Variants in MAP4K3 observed in about 807,000 individuals in gnomAD.
MAP4K3 encodes MAPK/ERK kinase kinase kinase 3.
Under a neutral mutation model 143.5 loss-of-function variants are expected in MAP4K3, and 94 were observed. The ratio of observed to expected loss-of-function variants is 0.65; its 90% CI spans 0.55 to 0.78. The LOEUF (loss-of-function observed/expected upper bound fraction) is 0.78. MAP4K3 is among the 30% of genes least tolerant of loss of function. The probability of loss-of-function intolerance (pLI) is 0.00; values close to 1 mark genes in which losing one functional copy is unlikely to be tolerated. For synonymous variants in MAP4K3, 416 were observed against 347.2 expected, an observed-to-expected ratio of 1.20 and a Z score of -2.20; for missense variants, 1,077 against 1,068.1, an observed-to-expected ratio of 1.01 and a Z score of -0.12.
At chr2:39,428,490 T>G (rs1470530133) in intron 1 of MAP4K3, among the ~76,000 whole-genome samples, 1 of 151,602 alleles carries the variant, frequency 6.6e-6, no homozygotes, top group Non-Finnish European at 1.5e-5. Flanking sequence ...CTGGCCAACA[T>G]GGCGAAACTC....
chr2:39,275,377 T>C (rs116463505), intron 24 of MAP4K3, among the ~76,000 whole-genome samples: 42 of 152,128 alleles, frequency 2.8e-4, no homozygotes, highest in Non-Finnish European at 4.1e-4. Flanking sequence ...TCCCAGCTAC[T>C]GAGAACGCTG....
In MAP4K3 at chr2:39,436,959, C is replaced by T. The variant is rs1665508367; in HGVS notation, c.29G>A (p.Arg10Gln). The change falls in exon 1 of 34, where the codon CGG becomes CAG. Residue 10 changes from arginine to glutamine, a missense_variant. Arg to Gln is a conservative substitution (Grantham distance 43). Coordinates refer to ENST00000263881, the MANE Select transcript of MAP4K3 (RefSeq NM_003618.4). ...CAGCTCGAAGTCCTCCTGCGGGTTC[C>T]GGCGGGACAAATCGAAGCCGGGGTT... The part of the protein sequence containing the change: MNPGFDLSR[R>Q]NPQEDFELIQ... The T allele has an allele frequency of 6.2e-7, 1 of 1,612,518 alleles. No homozygotes were observed. The highest frequency in any genetic ancestry group is 8.5e-7 in the Non-Finnish European group (1 of 1,179,348).
At chr2:39,426,507 T>G (rs1346674436) in intron 1 of MAP4K3, among the ~76,000 whole-genome samples, 4 of 151,942 alleles carry the variant, frequency 2.6e-5, no homozygotes, top group Admixed American at 2.6e-4. Context: ...ATTTTGAGAA[T>G]ACACATCAAA....
chr2:39,373,189 CT>C (rs1325053789), intron 2 of MAP4K3, among the ~76,000 whole-genome samples: 1 of 152,134 alleles, frequency 6.6e-6, no homozygotes, highest in Non-Finnish European at 1.5e-5. Context: ...TGAAAAGGTG[CT>C]CAACATCACT....
At chr2:39,263,657 T>A (rs1252578892) in intron 28 of MAP4K3, among the ~76,000 whole-genome samples, 1 of 151,998 alleles carries the variant, frequency 6.6e-6, no homozygotes, top group Non-Finnish European at 1.5e-5. Context: ...ACATTATAGC[T>A]CAGAGAGTTT....
intron 32 of MAP4K3, among the ~76,000 whole-genome samples, chr2:39,254,090 G>A (rs1484624899): frequency 6.6e-6 from 1 of 152,218 alleles, no homozygotes; most frequent in Non-Finnish European, 1.5e-5. Context: ...TGAAGTACAA[G>A]GTAGAAAAGG....
At chr2:39,411,415 G>T (rs117301541) in intron 1 of MAP4K3, among the ~76,000 whole-genome samples, 8 of 152,176 alleles carry the variant, frequency 5.3e-5, no homozygotes. Flanking sequence ...TGAGCATGAG[G>T]AAAGAATGGT....
chr2:39,413,033 T>C (rs1307632095), intron 1 of MAP4K3, among the ~76,000 whole-genome samples: 1 of 152,200 alleles, frequency 6.6e-6, no homozygotes, highest in Non-Finnish European at 1.5e-5. Flanking sequence ...CTCACTGAAG[T>C]GACTAACGAG....
At chr2:39,361,172 TTCTC>T (rs1179912482) in intron 2 of MAP4K3, among the ~76,000 whole-genome samples, 2 of 152,146 alleles carry the variant, frequency 1.3e-5, no homozygotes, top group Non-Finnish European at 2.9e-5. Context: ...GTTTCTTTCT[TTCTC>T]TCTGTTTCCC....
At chr2:39,361,185 C>T (rs761586804) in intron 2 of MAP4K3, among the ~76,000 whole-genome samples, 57 of 151,988 alleles carry the variant, frequency 3.8e-4, no homozygotes, top group Middle Eastern at 3.4e-3. Flanking sequence ...TCTCTGTTTC[C>T]CTCTCTCTCC....
intron 19 of MAP4K3, among the ~76,000 whole-genome samples, chr2:39,289,462 T>C (rs1219627287): frequency 6.6e-6 from 1 of 152,212 alleles, no homozygotes; most frequent in Non-Finnish European, 1.5e-5. Flanking sequence ...ATAAAGTATA[T>C]ATTAGCTCAT....
At chr2:39,426,595 GAGAATAA>G (rs1206783364) in intron 1 of MAP4K3, among the ~76,000 whole-genome samples, 1 of 151,930 alleles carries the variant, frequency 6.6e-6, no homozygotes, top group Non-Finnish European at 1.5e-5. Flanking sequence ...TATATATACA[GAGAATAA>G]ATGTGGTAAA....
intron 1 of MAP4K3, among the ~76,000 whole-genome samples, chr2:39,436,343 T>C (rs949003355): frequency 4.0e-5 from 6 of 149,736 alleles, no homozygotes; most frequent in African/African-American, 1.2e-4. Context: ...GTCATTACTC[T>C]GGAAAATTAA....
chr2:39,404,235 A>G (rs1191225811), intron 1 of MAP4K3, among the ~76,000 whole-genome samples: 1 of 152,194 alleles, frequency 6.6e-6, no homozygotes, highest in Non-Finnish European at 1.5e-5. Flanking sequence ...CACCTTAGGT[A>G]CCAGCTCAGC....
At chr2:39,290,250 C>T (rs376379670) in intron 19 of MAP4K3, 42 bp downstream of exon 19, 83 of 1,477,078 alleles carry the variant, frequency 5.6e-5, no homozygotes, top group Middle Eastern at 1.8e-4. Flanking sequence ...ATTGGCAGAA[C>T]AATAACACAC....
chr2:39,331,358 T>TCCCACCCAGAGGCACAAGGA (rs1683675981), intron 8 of MAP4K3, among the ~76,000 whole-genome samples: 2 of 152,138 alleles, frequency 1.3e-5, no homozygotes, highest in African/African-American at 4.8e-5. Context: ...GTTTTTATAC[T>TCCCACCCAGAGGCACAAGGA]ATGATCAGTA....
chr2:39,289,833 C>G (rs1681955777), intron 19 of MAP4K3, among the ~76,000 whole-genome samples: 1 of 151,972 alleles, frequency 6.6e-6, no homozygotes, highest in African/African-American at 2.4e-5. Context: ...GCCTGTAATC[C>G]CACAACTTTG....
intron 21 of MAP4K3, among the ~76,000 whole-genome samples, chr2:39,284,597 G>A (rs1681682679): frequency 6.6e-6 from 1 of 151,992 alleles, no homozygotes; most frequent in African/African-American, 2.4e-5. Flanking sequence ...TGTAATCCCA[G>A]CACTTTGGGA....
At chr2:39,306,775 T>C (rs928617973) in intron 15 of MAP4K3, among the ~76,000 whole-genome samples, 3 of 152,202 alleles carry the variant, frequency 2.0e-5, no homozygotes, top group African/African-American at 7.2e-5. Context: ...TCCTGAAGAA[T>C]CTACAATGTT....
Sources: gnomAD v4.1 joint callset for allele counts (sites outside exome capture counted in the v4.1 genomes callset) on GRCh38, gnomAD v4.1.1 for gene constraint, MANE v1.5 for transcripts, NCBI Gene and HGNC (gene_info 2026-07-23, HGNC 2026-07-21) for gene names.